Variants in TNFAIP3 observed in about 807,000 individuals in gnomAD.
The protein encoded by TNFAIP3 is tumor necrosis factor alpha-induced protein 3.
TNFAIP3 carries 9 observed loss-of-function variants against 72.4 expected under a neutral mutation model. The ratio of observed to expected loss-of-function variants is 0.12; its 90% confidence interval spans 0.07 to 0.22. The LOEUF is 0.22. TNFAIP3 is among the 10% of genes least tolerant of loss of function. TNFAIP3 has a pLI of 1.00. For synonymous variants in TNFAIP3, 339 were observed against 372.6 expected, an observed-to-expected ratio of 0.91 and a Z score of 1.04; for missense variants, 833 against 1,018.7, an observed-to-expected ratio of 0.82 and a Z score of 2.48.
At chr6:137,877,759 A>C (rs1776297804) in intron 6 of TNFAIP3, among the ~76,000 whole-genome samples, 1 of 152,232 alleles carries the variant, frequency 6.6e-6, no homozygotes. Context: ...CCCATTGTGC[A>C]GGTATCCGGT....
intron 5 of TNFAIP3, chr6:137,876,409 T>C (rs1776250151): frequency 4.9e-6 from 2 of 408,262 alleles, no homozygotes; most frequent in Non-Finnish European, 8.7e-6. Context: ...GTGCTCTTAA[T>C]ACAGTGCCTG....
At chr6:137,869,409 T>C (rs913501671) in intron 1 of TNFAIP3, among the ~76,000 whole-genome samples, 4 of 150,432 alleles carry the variant, frequency 2.7e-5, no homozygotes, top group Non-Finnish European at 5.9e-5. Context: ...ATAGATGATA[T>C]TGTGAAAGAG....
chr6:137,867,613 G>A lies in TNFAIP3; in HGVS notation c.-16+71G>A, dbSNP rs1465208635. The A allele has an allele frequency of 6.6e-6, 1 of 152,646 alleles. No homozygotes were observed. Among genetic ancestry groups the A allele is most frequent in the Non-Finnish European group, 1.5e-5 (1 of 68,304 alleles). 9.5% of individuals were successfully genotyped at this position (152,646 alleles called of 1,614,324 possible). ...GTCAAGGGCTGCGGGTGCATGTTGGGCAGCGACCCCCGGGCTGGCACCGTC... is the reference window on the plus strand; with the variant it reads ...GTCAAGGGCTGCGGGTGCATGTTGGACAGCGACCCCCGGGCTGGCACCGTC... On this transcript the variant is annotated intron_variant, in intron 1 of 8. Transcript: ENST00000612899. This position sits in a 1 kb window ranked among gnomAD's most constrained non-coding sequence, Gnocchi z 6.0.
In TNFAIP3 at chr6:137,871,911, G is replaced by C. The variant is rs79602865; in HGVS notation, c.295+389G>C. On this transcript the variant is annotated intron_variant, in intron 2 of 8. Coordinates refer to ENST00000612899, the MANE Select transcript of TNFAIP3 (RefSeq NM_001270508.2). This position sits in a 1 kb window ranked among gnomAD's most constrained non-coding sequence, Gnocchi z 4.2. ...GGAAAGAATGGTGTGAAAACTGGTA[G>C]TACATTTGTTTCCCACTGTCATTAG... Among the ~76,000 whole-genome samples, 8 of 152,334 alleles carry C rather than the reference G, an allele frequency of 5.3e-5. No individual in the cohort carries two copies. In the East Asian group the frequency reaches 1.5e-3, roughly 29 times the overall value.
In TNFAIP3 at chr6:137,880,215, A is replaced by G; in HGVS notation, c.2051A>G (p.Gln684Arg). ...AAGTGTTTCATTGAAGCTCAGAATCAGAGATTTCATGAGGCCAAAAGGACA... is the reference window on the plus strand; with the variant it reads ...AAGTGTTTCATTGAAGCTCAGAATCGGAGATTTCATGAGGCCAAAAGGACA... ...CQKCFIEAQN[Q>R]RFHEAKRTEE... The change falls in exon 8 of 9, where the codon CAG (glutamine) becomes CGG (arginine). Residue 684 changes from glutamine (Q) to arginine (R), a missense_variant. Around this residue, in one of 2 missense-constraint regions of TNFAIP3, gnomAD observed 587 missense variants for 657.8 expected, o/e 0.89. Transcript: ENST00000612899. 1.9e-6 allele frequency: 3 copies of G among 1,614,220 alleles called. No individual in the cohort carries two copies. Among genetic ancestry groups the G allele is most frequent in the South Asian group, 2.2e-5 (2 of 91,088 alleles).
chr6:137,878,888 C>G lies in TNFAIP3; in HGVS notation c.1443C>G (p.Pro481=), dbSNP rs768362435. ...CCACTGCCATGAAGTGCAGGAGCCC[C>G]GGCTGCCCCTTCACACTGAATGTGC... ...SETTAMKCRS[P]GCPFTLNVQH... is the part of the protein sequence containing the mutation. The change falls in exon 7 of 9, where the codon CCC becomes CCG. Residue 481 remains proline, a synonymous_variant. Transcript: ENST00000612899. 2 of 1,614,150 alleles carry G rather than the reference C, an allele frequency of 1.2e-6. No individual in the cohort carries two copies.
intron 2 of TNFAIP3, among the ~76,000 whole-genome samples, chr6:137,873,291 G>C (rs745758621): frequency 6.6e-5 from 10 of 152,168 alleles, no homozygotes; most frequent in Non-Finnish European, 1.5e-4. Flanking sequence ...GTTTGGGGAG[G>C]GGGTGATTCA....
At position 137,877,170 on chromosome 6, in the gene TNFAIP3, G is replaced by C; in HGVS notation, c.900G>C (p.Glu300Asp). The C allele has an allele frequency of 2.5e-6, 4 of 1,614,050 alleles. No homozygotes were observed. Among genetic ancestry groups the C allele is most frequent in the Non-Finnish European group, 3.4e-6 (4 of 1,179,978 alleles). Reference sequence around the variant, plus strand: ...CAGATCCTGAAAATGAGATGAAGGAGAAGCTCTTAAAAGAGTACTTAATGG... The same window carrying C: ...CAGATCCTGAAAATGAGATGAAGGACAAGCTCTTAAAAGAGTACTTAATGG... ...FLTDPENEMKEKLLKEYLMVI... is the reference protein window; with the variant it reads ...FLTDPENEMKDKLLKEYLMVI... Residue 300 changes from glutamate to aspartate, a missense_variant, in exon 6 of 9, where the codon GAG becomes GAC. Glu to Asp is a conservative substitution (Grantham distance 45). Transcript: ENST00000612899.
chr6:137,881,398 T>A lies in TNFAIP3; in HGVS notation c.*79T>A. 1 of 1,314,044 alleles carries A rather than the reference T, an allele frequency of 7.6e-7. No homozygotes were observed. The highest frequency in any genetic ancestry group is 1.0e-6 in the Non-Finnish European group (1 of 954,230). 81.4% of individuals were successfully genotyped at this position (1,314,044 alleles called of 1,614,324 possible). A position where few individuals can be genotyped will look rare whatever the true frequency, so the allele number is the denominator to read the frequency against. ...ATCATGGTGCTATCCTCTGAACCCC[T>A]CAGCTGCCACTGCAACAGTGGGCTT... On this transcript the variant is annotated 3_prime_UTR_variant, in exon 9 of 9. Transcript: ENST00000612899. The surrounding 1 kb of genome is among the most constrained non-coding windows in gnomAD (Gnocchi z 5.0).
rs1445471764 is a variant in TNFAIP3 at position 137,879,111 on chromosome 6, C to A, written c.1666C>A (p.Pro556Thr). 6.2e-7 allele frequency: 1 copy of A among 1,614,196 alleles called. No individual in the cohort carries two copies. The highest frequency in any genetic ancestry group is 2.2e-5 in the East Asian group (1 of 44,884). Residue 556 changes from proline to threonine, a missense_variant, in exon 7 of 9, where the codon CCT becomes ACT. Around this residue, in one of 2 missense-constraint regions of TNFAIP3, gnomAD observed 587 missense variants for 657.8 expected, o/e 0.89. Transcript: ENST00000612899. ...EASSSLSTSL[P>T]PSCHQRSKSD... ...CTCCTCCAGCCTCAGCACCAGCCTC[C>A]CTCCTTCCTGTCACCAGCGTTCCAA...
intron 2 of TNFAIP3, among the ~76,000 whole-genome samples, chr6:137,872,342 G>A (rs961220619): frequency 6.6e-6 from 1 of 152,140 alleles, no homozygotes; most frequent in African/African-American, 2.4e-5. Flanking sequence ...GCATAATTAT[G>A]ACAATAAGGA....
rs1415611084 is a variant in TNFAIP3 at position 137,881,358 on chromosome 6, C to T, written c.*39C>T. 1.3e-6 allele frequency: 2 copies of T among 1,512,994 alleles called. No homozygotes were observed. The highest frequency in any genetic ancestry group is 1.8e-6 in the Non-Finnish European group (2 of 1,127,622). The allele number at this position is 1,512,994 out of a possible 1,614,324, so 93.7% of individuals were successfully genotyped here. On this transcript the variant is annotated 3_prime_UTR_variant, in exon 9 of 9. Coordinates refer to ENST00000612899, the MANE Select transcript of TNFAIP3 (RefSeq NM_001270508.2). The surrounding 1 kb of genome is among the most constrained non-coding windows in gnomAD (Gnocchi z 5.0). Reference sequence around the variant, plus strand: ...GGTCACCTCCTGCAAGAAGTGGGGCCTCGAGCTGTCAGTCATCATGGTGCT... The same window carrying T: ...GGTCACCTCCTGCAAGAAGTGGGGCTTCGAGCTGTCAGTCATCATGGTGCT...
Position 137,876,063 on chromosome 6 carries a change from G to T in TNFAIP3, c.702G>T (p.Leu234Phe). The change falls in exon 5 of 9, where the codon TTG becomes TTT. Residue 234 changes from leucine (L) to phenylalanine (F), a missense_variant. Transcript: ENST00000612899. The stretch of plus-strand genomic sequence containing the variant: ...CTTTGAAAGTGGGTGGAATTTACTT[G>T]CCTCTCCACTGGCCTGCCCAGGAAT... The part of the protein sequence containing the change: ...FAPLKVGGIY[L>F]PLHWPAQECY... 1.2e-6 allele frequency: 2 copies of T among 1,614,138 alleles called. No individual in the cohort carries two copies.
In TNFAIP3 at chr6:137,879,173, G is replaced by A. The variant is rs140120540; in HGVS notation, c.1728G>A (p.Pro576=). 3.8e-4 allele frequency: 607 copies of A among 1,613,826 alleles called. No individual in the cohort carries two copies. The highest frequency in any genetic ancestry group is 4.3e-4 in the Non-Finnish European group (502 of 1,180,024). The change falls in exon 7 of 9, where the codon CCG becomes CCA. Residue 576 remains proline (P), a synonymous_variant. Transcript: ENST00000612899. ...DPSRLVRSPS[P]HSCHRAGNDA... is the part of the protein sequence containing the mutation. ...CGCGGCTCGTCCGGAGCCCCTCCCC[G>A]CATTCTTGCCACAGAGCTGGAAACG...
chr6:137,873,179 G>A (rs901046518), intron 2 of TNFAIP3, among the ~76,000 whole-genome samples: 2 of 152,076 alleles, frequency 1.3e-5, no homozygotes, highest in African/African-American at 4.8e-5. Flanking sequence ...AGATATTTAG[G>A]GAGGGAGGAA....
chr6:137,869,525 T>G (rs1258073703), intron 1 of TNFAIP3, among the ~76,000 whole-genome samples: 1 of 152,218 alleles, frequency 6.6e-6, no homozygotes, highest in African/African-American at 2.4e-5. Flanking sequence ...GAGAGCACCA[T>G]CTGATCCAGA....
rs1562267985 is a variant in TNFAIP3 at position 137,871,553 on chromosome 6, CT to C, written c.295+32del. On this transcript the variant is annotated intron_variant, in intron 2 of 8. Transcript: ENST00000612899. This position sits in a 1 kb window ranked among gnomAD's most constrained non-coding sequence, Gnocchi z 4.2. ...ACTTGTTCTGTTGTGTTTCTTTTGC[CT>C]GGGTGATAGCTCCCGCCTGCTGGAT... 6.2e-7 allele frequency: 1 copy of C among 1,603,530 alleles called. No individual in the cohort carries two copies. The highest frequency in any genetic ancestry group is 8.5e-7 in the Non-Finnish European group (1 of 1,173,582).
chr6:137,869,631 T>C (rs1179231434), intron 1 of TNFAIP3, among the ~76,000 whole-genome samples: 2 of 152,210 alleles, frequency 1.3e-5, no homozygotes, highest in Non-Finnish European at 2.9e-5. Flanking sequence ...ATGGGTCATC[T>C]AGTCCAACCT....
chr6:137,874,255 G>A lies in TNFAIP3; in HGVS notation c.296-590G>A, dbSNP rs3799491. Among the ~76,000 whole-genome samples, 762 of 152,288 alleles carry A rather than the reference G, an allele frequency of 5.0e-3. 15 individuals are homozygous for A. In the East Asian group the frequency reaches 0.08, roughly 16 times the overall value. ...GGACTAGCAGGCCATAGGTAATTCC[G>A]TGTTGTCAATACGACTTTCCACACC... On this transcript the variant is annotated intron_variant, in intron 2 of 8. Transcript: ENST00000612899.
Sources: allele counts gnomAD v4.1 joint callset (sites outside exome capture counted in the v4.1 genomes callset), GRCh38; gene constraint gnomAD v4.1.1; regional missense constraint gnomAD v4.1.1; non-coding constraint Gnocchi (gnomAD v3.1); transcripts MANE v1.5; gene names NCBI Gene and HGNC (gene_info 2026-07-23, HGNC 2026-07-21).